Variants in RTN4RL1 observed in about 807,000 individuals in gnomAD.
RTN4RL1 encodes reticulon 4 receptor like 1.
A neutral mutation model predicts 25.6 loss-of-function variants in RTN4RL1; 7 were observed. The observed-to-expected ratio is 0.27, with a 90% CI of 0.16 to 0.51. The LOEUF is 0.51. Ranked by LOEUF, RTN4RL1 falls within the 20% of genes least tolerant of loss-of-function variation. RTN4RL1 has a pLI of 0.97. For synonymous variants in RTN4RL1, 297 were observed against 288.2 expected (o/e 1.03, Z -0.31); for missense variants, 500 against 615.6 (o/e 0.81, Z 1.99).
chr17:1,955,184 C>G (rs10438741), intron 1 of RTN4RL1, among the ~76,000 whole-genome samples: 63,494 of 152,038 alleles, frequency 0.42, 14,002 homozygotes, highest in Middle Eastern at 0.54. Flanking sequence ...TAGCATAGGC[C>G]TTGTGTGCGG....
intron 1 of RTN4RL1, among the ~76,000 whole-genome samples, chr17:2,008,251 A>G (rs754154178): frequency 1.1e-3 from 162 of 151,826 alleles, no homozygotes; most frequent in Non-Finnish European, 1.4e-3. Flanking sequence ...CCTGGGCAAC[A>G]AGGGCTAGAC....
intron 1 of RTN4RL1, among the ~76,000 whole-genome samples, chr17:2,002,165 A>G (rs1597236538): frequency 6.6e-6 from 1 of 152,166 alleles, no homozygotes; most frequent in East Asian, 1.9e-4. Flanking sequence ...CCTGGCAGAC[A>G]CTGCAGCGGT....
intron 1 of RTN4RL1, chr17:2,020,601 C>T (rs1439056888): frequency 6.6e-6 from 1 of 152,180 alleles, no homozygotes; most frequent in African/African-American, 2.4e-5. Flanking sequence ...GGGTTGCAGG[C>T]CTTAATCTAG....
chr17:1,963,005 A>G (rs1260466295), intron 1 of RTN4RL1, among the ~76,000 whole-genome samples: 1 of 151,730 alleles, frequency 6.6e-6, no homozygotes, highest in Non-Finnish European at 1.5e-5. Context: ...AGGTATAATC[A>G]TAGCTCACTG....
intron 1 of RTN4RL1, among the ~76,000 whole-genome samples, chr17:1,977,438 C>A (rs1343201843): frequency 6.6e-6 from 1 of 152,196 alleles, no homozygotes; most frequent in Non-Finnish European, 1.5e-5. Context: ...CTGGATCCAC[C>A]ACCTCGTCTC....
intron 1 of RTN4RL1, among the ~76,000 whole-genome samples, chr17:1,968,360 G>C (rs542618734): frequency 1.8e-3 from 274 of 152,164 alleles, no homozygotes; most frequent in African/African-American, 6.1e-3. Context: ...CCTTGAGTCG[G>C]GTTCACCAAG....
intron 1 of RTN4RL1, among the ~76,000 whole-genome samples, chr17:1,957,941 C>G (rs1441143233): frequency 4.6e-5 from 7 of 151,970 alleles, no homozygotes; most frequent in Non-Finnish European, 1.0e-4. Flanking sequence ...CTTTGGGAGG[C>G]CGAGGCAGGA....
chr17:1,991,783 C>G (rs574899227), intron 1 of RTN4RL1, among the ~76,000 whole-genome samples: 9 of 152,298 alleles, frequency 5.9e-5, no homozygotes, highest in African/African-American at 1.7e-4. Context: ...AGTGGATCCC[C>G]TCCTGATGGA....
At position 1,937,269 on chromosome 17, in the gene RTN4RL1, G is replaced by A; in HGVS notation, c.553C>T (p.Leu185=). Residue 185 remains leucine, a synonymous_variant, in exon 2 of 2, where the codon CTG becomes TTG. Coordinates refer to ENST00000331238, the MANE Select transcript of RTN4RL1 (RefSeq NM_178568.4). The stretch of plus-strand genomic sequence containing the variant: ...AAGGTGCCCGGGCCCAGACTCCACA[G>A]CTTGTTGCCGTGGAGAAACAGGTGG... ...LSHLFLHGNK[L]WSLGPGTFRG... is the part of the protein sequence containing the mutation. 6.2e-7 allele frequency: 1 copy of A among 1,612,700 alleles called. No individual in the cohort carries two copies. Among genetic ancestry groups the A allele is most frequent in the Non-Finnish European group, 8.5e-7 (1 of 1,179,892 alleles).
chr17:1,974,083 G>A (rs1194379019), intron 1 of RTN4RL1, among the ~76,000 whole-genome samples: 2 of 143,600 alleles, frequency 1.4e-5, no homozygotes, highest in Admixed American at 7.1e-5. Context: ...AGGGGGGAAA[G>A]GTTACATTTA....
chr17:1,996,961 T>C (rs2066931971), intron 1 of RTN4RL1, among the ~76,000 whole-genome samples: 1 of 152,156 alleles, frequency 6.6e-6, no homozygotes, highest in African/African-American at 2.4e-5. Context: ...ACTTCAGTCA[T>C]AACCCAAGCC....
chr17:1,965,731 C>A (rs2066787700), intron 1 of RTN4RL1, among the ~76,000 whole-genome samples: 1 of 152,202 alleles, frequency 6.6e-6, no homozygotes. Flanking sequence ...GACCCCTGGC[C>A]CCGCCAGGCC....
At chr17:1,995,283 G>A (rs543446434) in intron 1 of RTN4RL1, among the ~76,000 whole-genome samples, 148 of 152,178 alleles carry the variant, frequency 9.7e-4, no homozygotes, top group African/African-American at 3.2e-3. Flanking sequence ...AAAATTAGCC[G>A]GGCATGGTGG....
chr17:1,999,457 A>C (rs1028947772), intron 1 of RTN4RL1, among the ~76,000 whole-genome samples: 7 of 145,912 alleles, frequency 4.8e-5, no homozygotes, highest in African/African-American at 1.8e-4. Context: ...AAAAAAATAA[A>C]ACACACACAC....
intron 1 of RTN4RL1, among the ~76,000 whole-genome samples, chr17:1,987,873 A>AGGCAGGTG (rs2066893613): frequency 6.6e-6 from 1 of 152,064 alleles, no homozygotes; most frequent in African/African-American, 2.4e-5. Context: ...TGGGAGGCCA[A>AGGCAGGTG]GGCAGGTGGA....
chr17:1,955,438 C>T (rs1915771303), intron 1 of RTN4RL1, among the ~76,000 whole-genome samples: 1 of 151,896 alleles, frequency 6.6e-6, no homozygotes, highest in Admixed American at 6.6e-5. Flanking sequence ...TGCCTGTAAT[C>T]CCAGCTACTC....
chr17:2,018,703 A>T (rs117239777), intron 1 of RTN4RL1, among the ~76,000 whole-genome samples: 9,484 of 152,124 alleles, frequency 0.062, 437 homozygotes, highest in Non-Finnish European at 0.093. Context: ...TGGGTGGCCC[A>T]GGGAAAGGGA....
In RTN4RL1 at chr17:1,960,697, A is replaced by G. The variant is rs562663404; in HGVS notation, c.14-22889T>C. 3.1e-4 allele frequency among the ~76,000 whole-genome samples: 47 copies of G among 152,124 alleles called. No individual in the cohort carries two copies. The South Asian group carries it at 9.8e-3, about 32-fold the overall frequency. On this transcript the variant is annotated intron_variant, in intron 1 of 1. Coordinates refer to ENST00000331238, the MANE Select transcript of RTN4RL1 (RefSeq NM_178568.4). ...AAAAGGAAACTCCATCCCCCTTAGC[A>G]GTCACTCCCCATTCTCCCTCCCCCA...
In RTN4RL1 at chr17:1,936,268, G is replaced by C; in HGVS notation, c.*228C>G. 7.3e-7 allele frequency: 1 copy of C among 1,368,680 alleles called. No individual in the cohort carries two copies. The highest frequency in any genetic ancestry group is 9.4e-7 in the Non-Finnish European group (1 of 1,067,850). The allele number at this position is 1,368,680 out of a possible 1,614,324, so 84.8% of individuals were successfully genotyped here. A position where few individuals can be genotyped will look rare whatever the true frequency, so the allele number is the denominator to read the frequency against. On this transcript the variant is annotated 3_prime_UTR_variant, in exon 2 of 2. Coordinates refer to ENST00000331238, the MANE Select transcript of RTN4RL1 (RefSeq NM_178568.4). ...TGGACACTGTCCGTGGGCGCTCTGC[G>C]GGGCTGGCTGGGACAGCCGGCTGAG...
Sources: gnomAD v4.1 joint callset for allele counts (sites outside exome capture counted in the v4.1 genomes callset) on GRCh38, gnomAD v4.1.1 for gene constraint, MANE v1.5 for transcripts, NCBI Gene and HGNC (gene_info 2026-07-23, HGNC 2026-07-21) for gene names.